Variants in CACNA1A observed in about 807,000 individuals in gnomAD.
The protein encoded by CACNA1A is calcium voltage-gated channel subunit alpha1 A, also known as voltage-dependent P/Q-type calcium channel subunit alpha-1A.
CACNA1A carries 57 observed loss-of-function variants against 262.4 expected under a neutral mutation model. That is an observed-to-expected ratio of 0.22 (90% CI 0.18 to 0.27). The LOEUF is 0.27. Ranked by LOEUF, CACNA1A falls within the 10% of genes least tolerant of loss-of-function variation. CACNA1A has a pLI of 1.00. For synonymous variants in CACNA1A, 1,431 were observed against 1,419.3 expected, an observed-to-expected ratio of 1.01 and a Z score of -0.18; for missense variants, 2,526 against 3,562.8, an observed-to-expected ratio of 0.71 and a Z score of 7.41.
intron 1 of CACNA1A, among the ~76,000 whole-genome samples, chr19:13,485,792 G>A (rs1297221630): frequency 2.0e-5 from 3 of 152,180 alleles, no homozygotes; most frequent in Non-Finnish European, 4.4e-5. Flanking sequence ...CAAGCACTTT[G>A]GAAAATTGTT....
At chr19:13,285,712 G>T (rs1215359015) in intron 20 of CACNA1A, among the ~76,000 whole-genome samples, 1 of 152,014 alleles carries the variant, frequency 6.6e-6, no homozygotes, top group Non-Finnish European at 1.5e-5. Context: ...CTTGACTCAG[G>T]GGGAGGAGCC....
intron 3 of CACNA1A, among the ~76,000 whole-genome samples, chr19:13,439,312 G>A (rs1043517124): frequency 6.6e-6 from 1 of 151,372 alleles, no homozygotes; most frequent in Non-Finnish European, 1.5e-5. Context: ...GTTTCACCAT[G>A]TTAGCCAGGA....
intron 3 of CACNA1A, among the ~76,000 whole-genome samples, chr19:13,372,330 C>T (rs79786597): frequency 0.014 from 2,091 of 152,090 alleles, 37 homozygotes; most frequent in South Asian, 0.084. Flanking sequence ...CCATCATGCC[C>T]GGGTACTTTT....
chr19:13,415,623 C>T (rs1277048123), intron 3 of CACNA1A, among the ~76,000 whole-genome samples: 2 of 151,590 alleles, frequency 1.3e-5, no homozygotes, highest in East Asian at 1.9e-4. Flanking sequence ...CGCCTGTAGT[C>T]CCAGCTACTG....
At chr19:13,456,182 A>G (rs547986016) in intron 1 of CACNA1A, among the ~76,000 whole-genome samples, 3 of 152,004 alleles carry the variant, frequency 2.0e-5, no homozygotes, top group African/African-American at 7.2e-5. Flanking sequence ...AAATAAGTAA[A>G]TAAATAAATA....
At chr19:13,426,311 C>T (rs770220928) in intron 3 of CACNA1A, among the ~76,000 whole-genome samples, 3 of 152,048 alleles carry the variant, frequency 2.0e-5, no homozygotes, top group Non-Finnish European at 4.4e-5. Flanking sequence ...GTAAGACATG[C>T]TTGAAAATAC....
intron 3 of CACNA1A, among the ~76,000 whole-genome samples, chr19:13,389,631 C>G (rs539244790): frequency 7.9e-5 from 12 of 152,224 alleles, no homozygotes; most frequent in Admixed American, 7.2e-4. Flanking sequence ...TTCCATCTTT[C>G]TGGTTACAAA....
intron 3 of CACNA1A, among the ~76,000 whole-genome samples, chr19:13,449,790 G>C (rs775349348): frequency 6.6e-6 from 1 of 152,194 alleles, no homozygotes; most frequent in Non-Finnish European, 1.5e-5. Flanking sequence ...GCCCCTGGAT[G>C]GGGGAGAGAA....
At chr19:13,429,531 C>CAAAA (rs35308275) in intron 3 of CACNA1A, among the ~76,000 whole-genome samples, 2 of 57,228 alleles carry the variant, frequency 3.5e-5, no homozygotes, top group Admixed American at 2.1e-4. Context: ...TCAAAGCGTC[C>CAAAA]AAAAAAAAAA....
intron 1 of CACNA1A, among the ~76,000 whole-genome samples, chr19:13,458,833 T>C (rs2061063333): frequency 6.6e-6 from 1 of 152,236 alleles, no homozygotes; most frequent in African/African-American, 2.4e-5. Context: ...GCCAACAGGC[T>C]CTGCATATGG....
At chr19:13,316,999 C>G (rs1027822510) in intron 11 of CACNA1A, 113 bp downstream of exon 11, 12 of 673,420 alleles carry the variant, frequency 1.8e-5, no homozygotes, top group Middle Eastern at 4.0e-4. Flanking sequence ...AAGGAAAGGG[C>G]AGATTCAATG....
intron 36 of CACNA1A, 63 bp from the exon 37 acceptor site, chr19:13,227,590 C>A: frequency 1.2e-6 from 1 of 861,506 alleles, no homozygotes. Context: ...GGAATGGGAA[C>A]AGAGAACCAA....
chr19:13,389,976 C>T (rs549949945), intron 3 of CACNA1A, among the ~76,000 whole-genome samples: 78 of 151,770 alleles, frequency 5.1e-4, no homozygotes, highest in Admixed American at 1.2e-3. Flanking sequence ...CCATGCCTGG[C>T]TAATTTTTTT....
intron 3 of CACNA1A, among the ~76,000 whole-genome samples, chr19:13,426,948 T>C (rs1305135619): frequency 6.6e-6 from 1 of 152,190 alleles, no homozygotes; most frequent in African/African-American, 2.4e-5. Context: ...ATAGAATTTG[T>C]CTAAAAATGC....
chr19:13,400,901 T>A (rs111791468), intron 3 of CACNA1A, among the ~76,000 whole-genome samples: 1 of 152,176 alleles, frequency 6.6e-6, no homozygotes, highest in Non-Finnish European at 1.5e-5. Flanking sequence ...CTTTGCTCAC[T>A]GCAACCTCCA....
At chr19:13,224,285 C>T (rs2055348773) in intron 38 of CACNA1A, among the ~76,000 whole-genome samples, 1 of 150,722 alleles carries the variant, frequency 6.6e-6, no homozygotes, top group Admixed American at 6.6e-5. Flanking sequence ...GATCACACCA[C>T]TGCACTTCAG....
At chr19:13,410,721 G>A (rs778608680) in intron 3 of CACNA1A, among the ~76,000 whole-genome samples, 2 of 151,786 alleles carry the variant, frequency 1.3e-5, no homozygotes, top group Admixed American at 1.3e-4. Flanking sequence ...CTCAGGTCAC[G>A]AAAGATCTCC....
At chr19:13,411,947 C>T (rs1364049852) in intron 3 of CACNA1A, among the ~76,000 whole-genome samples, 1 of 151,966 alleles carries the variant, frequency 6.6e-6, no homozygotes, top group East Asian at 1.9e-4. Flanking sequence ...AACTCCTGGG[C>T]TCAAGCGGCC....
At chr19:13,210,239 C>A (rs1046222409) in intron 44 of CACNA1A, among the ~76,000 whole-genome samples, 8 of 152,198 alleles carry the variant, frequency 5.3e-5, no homozygotes, top group African/African-American at 1.4e-4. Flanking sequence ...TCCAGCCCAG[C>A]TGAGCGCTGG....
Sources: allele counts gnomAD v4.1 joint callset (sites outside exome capture counted in the v4.1 genomes callset), GRCh38; gene constraint gnomAD v4.1.1; transcripts MANE v1.5; gene names NCBI Gene and HGNC (gene_info 2026-07-23, HGNC 2026-07-21).